GRM8: variants seen among roughly 807,000 people sequenced by gnomAD.
GRM8 encodes the protein glutamate metabotropic receptor 8.
A neutral mutation model predicts 87.2 loss-of-function variants in GRM8; 47 were observed. The observed-to-expected ratio is 0.54, with a 90% CI of 0.43 to 0.69. The LOEUF (loss-of-function observed/expected upper bound fraction) is 0.69, where lower values mean the gene tolerates loss of function less well. Among genes scored for constraint, GRM8 ranks in the 30% least tolerant of loss-of-function variants. GRM8 has a pLI of 0.00. For missense variants in GRM8, 1,019 were observed against 1,139.2 expected, an observed-to-expected ratio of 0.89 and a Z score of 1.52; for synonymous variants, 396 against 404.5, an observed-to-expected ratio of 0.98 and a Z score of 0.25.
chr7:126,836,488 GC>G (rs1795839169), intron 6 of GRM8, among the ~76,000 whole-genome samples: 1 of 151,860 alleles, frequency 6.6e-6, no homozygotes, highest in South Asian at 2.1e-4. Flanking sequence ...CTGCTGAGCT[GC>G]CCCCTGCCTC....
At chr7:126,596,585 G>A (rs572922849) in intron 8 of GRM8, among the ~76,000 whole-genome samples, 5 of 152,246 alleles carry the variant, frequency 3.3e-5, no homozygotes, top group East Asian at 1.9e-4. Flanking sequence ...TGAGGCATAT[G>A]GGAGAGAAAT....
intron 7 of GRM8, among the ~76,000 whole-genome samples, chr7:126,628,380 G>A (rs1475753088): frequency 1.3e-5 from 2 of 152,092 alleles, no homozygotes; most frequent in African/African-American, 4.8e-5. Context: ...AAATGTTTGA[G>A]TAAACTTGTA....
intron 8 of GRM8, among the ~76,000 whole-genome samples, chr7:126,566,083 C>A (rs1373297278): frequency 6.6e-6 from 1 of 151,988 alleles, no homozygotes; most frequent in African/African-American, 2.4e-5. Flanking sequence ...TATAATATTG[C>A]TAGAAAAAAA....
At chr7:126,987,446 T>TG (rs1812195184) in intron 3 of GRM8, among the ~76,000 whole-genome samples, 1 of 47,136 alleles carries the variant, frequency 2.1e-5, no homozygotes, top group African/African-American at 1.0e-4. Flanking sequence ...TTGTTCACAG[T>TG]TTTTTTTTTT....
At chr7:126,532,846 A>C in intron 9 of GRM8, 106 bp downstream of exon 9, 1 of 551,768 alleles carries the variant, frequency 1.8e-6, no homozygotes, top group East Asian at 3.0e-5. Context: ...CACAGACTGA[A>C]GCATCTTTAG....
At chr7:127,186,980 G>A (rs900899336) in intron 2 of GRM8, among the ~76,000 whole-genome samples, 30 of 152,180 alleles carry the variant, frequency 2.0e-4, no homozygotes, top group Non-Finnish European at 3.5e-4. Context: ...AGTTCTGGCA[G>A]TTGGAGTTAT....
chr7:126,593,226 A>G (rs1358406806), intron 8 of GRM8, among the ~76,000 whole-genome samples: 2 of 152,080 alleles, frequency 1.3e-5, no homozygotes, highest in Non-Finnish European at 2.9e-5. Context: ...TCAAAATGCA[A>G]GTGCCATTCT....
chr7:126,539,534 T>C (rs1197836395), intron 8 of GRM8, among the ~76,000 whole-genome samples: 3 of 152,030 alleles, frequency 2.0e-5, no homozygotes, highest in Non-Finnish European at 4.4e-5. Context: ...TTCCTCATTT[T>C]AAAACTTATT....
intron 7 of GRM8, among the ~76,000 whole-genome samples, chr7:126,666,697 A>G (rs2151294818): frequency 6.6e-6 from 1 of 152,284 alleles, no homozygotes; most frequent in East Asian, 1.9e-4. Flanking sequence ...TAAAAAAAAA[A>G]GAATAAGAAC....
At chr7:127,163,697 T>A (rs1793265709) in intron 2 of GRM8, among the ~76,000 whole-genome samples, 1 of 152,204 alleles carries the variant, frequency 6.6e-6, no homozygotes, top group African/African-American at 2.4e-5. Flanking sequence ...GCGTGTTTGG[T>A]CATGATTTGA....
intron 8 of GRM8, among the ~76,000 whole-genome samples, chr7:126,607,417 A>C (rs1455266671): frequency 2.0e-5 from 3 of 152,124 alleles, no homozygotes; most frequent in Non-Finnish European, 4.4e-5. Context: ...CTGGTGCTGC[A>C]TAGACATATC....
intron 3 of GRM8, among the ~76,000 whole-genome samples, chr7:126,982,071 G>T (rs868059073): frequency 1.8e-4 from 28 of 152,174 alleles, no homozygotes; most frequent in African/African-American, 6.0e-4. Flanking sequence ...TAGGCTGTCT[G>T]CAAGCTGAGG....
At chr7:126,773,971 A>G (rs1819144469) in intron 6 of GRM8, among the ~76,000 whole-genome samples, 1 of 152,152 alleles carries the variant, frequency 6.6e-6, no homozygotes, top group Non-Finnish European at 1.5e-5. Context: ...ATAAACTCCA[A>G]TTATTTTGAC....
At chr7:126,716,808 G>C (rs958977741) in intron 7 of GRM8, among the ~76,000 whole-genome samples, 1 of 152,136 alleles carries the variant, frequency 6.6e-6, no homozygotes, top group Non-Finnish European at 1.5e-5. Flanking sequence ...GAAGAAATGG[G>C]AGTGATTGAG....
chr7:126,922,786 C>T (rs1804669533), intron 3 of GRM8, among the ~76,000 whole-genome samples: 1 of 152,084 alleles, frequency 6.6e-6, no homozygotes, highest in Non-Finnish European at 1.5e-5. Flanking sequence ...TCCACCCTTG[C>T]TACTGTACAG....
intron 8 of GRM8, among the ~76,000 whole-genome samples, chr7:126,556,336 T>TTA (rs1562952512): frequency 2.6e-5 from 2 of 75,722 alleles, no homozygotes; most frequent in Non-Finnish European, 6.1e-5. Context: ...GTTCTCCTCT[T>TTA]TAAAAAAAAA....
intron 7 of GRM8, among the ~76,000 whole-genome samples, chr7:126,710,170 C>T (rs190058940): frequency 1.1e-3 from 161 of 152,276 alleles, no homozygotes; most frequent in Non-Finnish European, 7.8e-4. Flanking sequence ...TCATCTGAGG[C>T]TTCAGCAAAT....
intron 2 of GRM8, among the ~76,000 whole-genome samples, chr7:127,145,777 G>A (rs1313267710): frequency 6.6e-6 from 1 of 151,932 alleles, no homozygotes; most frequent in Non-Finnish European, 1.5e-5. Flanking sequence ...GAGGATTACT[G>A]GATTTAGCAA....
At chr7:127,075,518 G>A (rs1423219779) in intron 3 of GRM8, among the ~76,000 whole-genome samples, 1 of 152,054 alleles carries the variant, frequency 6.6e-6, no homozygotes, top group African/African-American at 2.4e-5. Flanking sequence ...GGGGCAGGGG[G>A]TCGGGGGGAG....
Sources: allele counts gnomAD v4.1 joint callset (sites outside exome capture counted in the v4.1 genomes callset), GRCh38; gene constraint gnomAD v4.1.1; transcripts MANE v1.5; gene names NCBI Gene and HGNC (gene_info 2026-07-23, HGNC 2026-07-21).